Variants in CHTF8 observed in about 807,000 individuals in gnomAD.
CHTF8 encodes the protein chromosome transmission fidelity factor 8.
In CHTF8, 6 loss-of-function variants were observed where a neutral mutation model predicts 11.0. The observed-to-expected ratio is 0.55, with a 90% CI of 0.30 to 1.08. The LOEUF is 1.08. CHTF8 is among the 50% of genes least tolerant of loss of function. The probability of loss-of-function intolerance (pLI) is 0.07; values close to 1 mark genes in which losing one functional copy is unlikely to be tolerated. For synonymous variants in CHTF8, 53 were observed against 60.5 expected (o/e 0.88, Z 0.57); for missense variants, 140 against 153.1 (o/e 0.91, Z 0.45).
intron 1 of CHTF8, among the ~76,000 whole-genome samples, chr16:69,131,798 C>T (rs1962544177): frequency 1.3e-5 from 2 of 151,870 alleles, no homozygotes; most frequent in South Asian, 4.2e-4. Context: ...GTTCCCGGTT[C>T]TCAAGTACTC....
At chr16:69,126,272 T>G (rs1962050230) in intron 1 of CHTF8, among the ~76,000 whole-genome samples, 1 of 152,234 alleles carries the variant, frequency 6.6e-6, no homozygotes, top group African/African-American at 2.4e-5. Flanking sequence ...TGTGACCATG[T>G]GCTTGAGAAA....
chr16:69,119,816 G>A lies in CHTF8; in HGVS notation c.*609C>T. ...AGATTGGGGTTTGGTCCTGGGCCCA[G>A]GCCAACTGGCCTAGGATTGGGAGGA... On this transcript the variant is annotated 3_prime_UTR_variant, in exon 4 of 4. Transcript: ENST00000448552. 1.4e-6 allele frequency: 1 copy of A among 701,204 alleles called. No homozygotes were observed. The highest frequency in any genetic ancestry group is 1.5e-5 in the South Asian group (1 of 67,514). The allele number at this position is 701,204 out of a possible 1,614,324, so 43.4% of individuals were successfully genotyped here. A position where few individuals can be genotyped will look rare whatever the true frequency, so the allele number is the denominator to read the frequency against.
chr16:69,118,611 T>A lies in CHTF8; in HGVS notation c.*1814A>T. On this transcript the variant is annotated 3_prime_UTR_variant, in exon 4 of 4. Coordinates refer to ENST00000448552, the MANE Select transcript of CHTF8 (RefSeq NM_001039690.5). ...GTGGGACGAAAGCACAGCAGGCTTC[T>A]GGGAGGCTGGAGATCCTTTCTCTCA... 5 of 709,304 alleles carry A rather than the reference T, an allele frequency of 7.0e-6. No homozygotes were observed. Among genetic ancestry groups the A allele is most frequent in the Non-Finnish European group, 1.3e-5 (5 of 388,260 alleles). 43.9% of individuals were successfully genotyped at this position (709,304 alleles called of 1,614,324 possible).
intron 1 of CHTF8, among the ~76,000 whole-genome samples, chr16:69,122,538 A>G (rs989892426): frequency 4.8e-5 from 7 of 145,218 alleles, no homozygotes; most frequent in Non-Finnish European, 1.1e-4. Context: ...ATACCCAGCT[A>G]ATTTTTTTTT....
chr16:69,126,615 TA>T (rs1450977631), intron 1 of CHTF8, among the ~76,000 whole-genome samples: 1 of 152,206 alleles, frequency 6.6e-6, no homozygotes, highest in African/African-American at 2.4e-5. Context: ...CAGATGTATG[TA>T]GAAATGAAGT....
intron 1 of CHTF8, among the ~76,000 whole-genome samples, chr16:69,122,405 CTT>C (rs1387570955): frequency 1.3e-5 from 2 of 149,310 alleles, no homozygotes; most frequent in Non-Finnish European, 3.0e-5. Flanking sequence ...CCAAGTTTCA[CTT>C]TGTCACCAAA....
chr16:69,128,753 T>C (rs1206557120), intron 1 of CHTF8, among the ~76,000 whole-genome samples: 1 of 152,066 alleles, frequency 6.6e-6, no homozygotes, highest in Non-Finnish European at 1.5e-5. Context: ...TCTCTCTCTT[T>C]TGAAATTAGT....
intron 1 of CHTF8, chr16:69,131,553 C>T (rs1962521789): frequency 6.8e-6 from 1 of 146,006 alleles, no homozygotes; most frequent in Admixed American, 7.1e-5. Flanking sequence ...GCTACAAACA[C>T]TTCCTATTTC....
intron 1 of CHTF8, among the ~76,000 whole-genome samples, chr16:69,121,844 T>A (rs1226856073): frequency 6.6e-6 from 1 of 152,186 alleles, no homozygotes; most frequent in Non-Finnish European, 1.5e-5. Flanking sequence ...ATTTTTTTTG[T>A]ATTTTTAGTA....
At chr16:69,121,549 C>T in intron 1 of CHTF8, 56 bp from the exon 2 acceptor site, 1 of 1,039,042 alleles carries the variant, frequency 9.6e-7, no homozygotes, top group Non-Finnish European at 1.4e-6. Flanking sequence ...AATAATGACA[C>T]CTAATGCAAC....
intron 1 of CHTF8, chr16:69,131,268 G>A (rs1962487076): frequency 6.6e-6 from 1 of 152,098 alleles, no homozygotes; most frequent in Non-Finnish European, 1.5e-5. Flanking sequence ...TCACATTTTA[G>A]GATTCCCACG....
Position 69,119,527 on chromosome 16 carries a change from G to C in CHTF8, c.*898C>G, listed in dbSNP as rs570440198. Reference sequence around the variant, plus strand: ...TACTCTTGCCATGGAGGATGGGCTTGTGCCCATGTTTCCAGAAGCCTGTGA... The same window carrying C: ...TACTCTTGCCATGGAGGATGGGCTTCTGCCCATGTTTCCAGAAGCCTGTGA... On this transcript the variant is annotated 3_prime_UTR_variant, in exon 4 of 4. Coordinates refer to ENST00000448552, the MANE Select transcript of CHTF8 (RefSeq NM_001039690.5). 1.4e-6 allele frequency: 1 copy of C among 702,944 alleles called. No individual in the cohort carries two copies. Among genetic ancestry groups the C allele is most frequent in the Non-Finnish European group, 2.6e-6 (1 of 384,992 alleles). 43.5% of individuals were successfully genotyped at this position (702,944 alleles called of 1,614,324 possible). A position where few individuals can be genotyped will look rare whatever the true frequency, so the allele number is the denominator to read the frequency against.
At chr16:69,122,164 CA>C in intron 1 of CHTF8, among the ~76,000 whole-genome samples, 1 of 152,304 alleles carries the variant, frequency 6.6e-6, no homozygotes, top group South Asian at 2.1e-4. Flanking sequence ...GTTCCTCTAA[CA>C]ATGCCCTAAG....
intron 1 of CHTF8, among the ~76,000 whole-genome samples, 169 bp downstream of exon 1, chr16:69,132,315 C>A (rs1962606731): frequency 6.8e-6 from 1 of 146,524 alleles, no homozygotes. Flanking sequence ...TCCCGGCCAC[C>A]CCTCCCCCGC....
At chr16:69,127,081 T>C (rs1962113544) in intron 1 of CHTF8, among the ~76,000 whole-genome samples, 1 of 151,872 alleles carries the variant, frequency 6.6e-6, no homozygotes, top group South Asian at 2.1e-4. Flanking sequence ...CTACCAAAAA[T>C]ACAAAAATTA....
chr16:69,127,455 G>C (rs1003558749), intron 1 of CHTF8, among the ~76,000 whole-genome samples: 1 of 152,052 alleles, frequency 6.6e-6, no homozygotes, highest in African/African-American at 2.4e-5. Context: ...AAGACGACTA[G>C]AGCAATTTCT....
chr16:69,131,810 A>T (rs1962545701), intron 1 of CHTF8, among the ~76,000 whole-genome samples: 1 of 148,636 alleles, frequency 6.7e-6, no homozygotes, highest in Non-Finnish European at 1.5e-5. Flanking sequence ...CAAGTACTCC[A>T]CTCCTCCAGG....
At chr16:69,122,521 T>C (rs1265757110) in intron 1 of CHTF8, among the ~76,000 whole-genome samples, 3 of 151,486 alleles carry the variant, frequency 2.0e-5, no homozygotes. Flanking sequence ...TACAGGTGCA[T>C]GTCACCATAC....
Position 69,120,196 on chromosome 16 carries a change from G to A in CHTF8, c.*229C>T. On this transcript the variant is annotated 3_prime_UTR_variant, in exon 4 of 4. Coordinates refer to ENST00000448552, the MANE Select transcript of CHTF8 (RefSeq NM_001039690.5). The surrounding 1 kb of genome is among the most constrained non-coding windows in gnomAD (Gnocchi z 4.0). Reference sequence around the variant, plus strand: ...GAAAGGTGCTGGATTTGAAGCCAATGAGCCTGATGAAGCTGGAAAAGGAGA... The same window carrying A: ...GAAAGGTGCTGGATTTGAAGCCAATAAGCCTGATGAAGCTGGAAAAGGAGA... 1.4e-6 allele frequency: 1 copy of A among 702,276 alleles called. No homozygotes were observed. Among genetic ancestry groups the A allele is most frequent in the South Asian group, 1.5e-5 (1 of 67,530 alleles). The allele number at this position is 702,276 out of a possible 1,614,324, so 43.5% of individuals were successfully genotyped here.
Sources: allele counts gnomAD v4.1 joint callset (sites outside exome capture counted in the v4.1 genomes callset), GRCh38; gene constraint gnomAD v4.1.1; non-coding constraint Gnocchi (gnomAD v3.1); transcripts MANE v1.5; gene names NCBI Gene and HGNC (gene_info 2026-07-23, HGNC 2026-07-21).